Variants in TENM3 observed in about 807,000 individuals in gnomAD.
TENM3 encodes the protein teneurin transmembrane protein 3.
A neutral mutation model predicts 255.1 loss-of-function variants in TENM3; 63 were observed. The observed-to-expected ratio is 0.25, with a 90% CI of 0.20 to 0.30. The LOEUF (loss-of-function observed/expected upper bound fraction) is 0.30, where lower values mean the gene tolerates loss of function less well. TENM3 is among the 10% of genes least tolerant of loss of function. The pLI is 1.00. For missense variants in TENM3, 2,929 were observed against 3,461.1 expected, an observed-to-expected ratio of 0.85 and a Z score of 3.86; for synonymous variants, 1,306 against 1,322.3, an observed-to-expected ratio of 0.99 and a Z score of 0.27.
the TENM3 span, among the ~76,000 whole-genome samples, chr4:181,953,242 A>G: frequency 6.8e-6 from 1 of 146,618 alleles, no homozygotes; most frequent in East Asian, 2.0e-4. Context: ...TGCGATTTGG[A>G]TAATGATGAT....
intron 3 of TENM3, among the ~76,000 whole-genome samples, chr4:182,367,435 G>A (rs1239373920): frequency 6.6e-6 from 1 of 152,152 alleles, no homozygotes; most frequent in African/African-American, 2.4e-5. Flanking sequence ...ACTGAGACGC[G>A]ATGAACAATG....
the TENM3 span, among the ~76,000 whole-genome samples, chr4:181,532,635 G>A: frequency 2.0e-5 from 3 of 152,152 alleles, no homozygotes; most frequent in African/African-American, 7.2e-5. Flanking sequence ...CTTTCTGAGT[G>A]TGCCCCTATT....
chr4:182,436,358 G>T (rs535462349), intron 3 of TENM3, among the ~76,000 whole-genome samples: 2 of 152,110 alleles, frequency 1.3e-5, no homozygotes, highest in African/African-American at 2.4e-5. Flanking sequence ...GTCTGTCTTC[G>T]GGGTCATACT....
At chr4:182,299,147 T>C (rs1448969478) in intron 1 of TENM3, among the ~76,000 whole-genome samples, 3 of 151,852 alleles carry the variant, frequency 2.0e-5, no homozygotes, top group African/African-American at 7.3e-5. Flanking sequence ...AAACACCAGA[T>C]TATCTAATAA....
At chr4:181,473,050 G>A in the TENM3 span, among the ~76,000 whole-genome samples, 3 of 151,532 alleles carry the variant, frequency 2.0e-5, no homozygotes, top group African/African-American at 4.9e-5. Flanking sequence ...AAATGAAAGA[G>A]GAAAGTGTCA....
At chr4:182,345,963 C>G (rs1290919243) in intron 2 of TENM3, among the ~76,000 whole-genome samples, 1 of 151,940 alleles carries the variant, frequency 6.6e-6, no homozygotes, top group Non-Finnish European at 1.5e-5. Flanking sequence ...TGTAGTAAAG[C>G]AAAAAGCCTA....
intron 3 of TENM3, among the ~76,000 whole-genome samples, chr4:182,548,955 C>A (rs181237695): frequency 6.6e-6 from 1 of 151,944 alleles, no homozygotes; most frequent in Non-Finnish European, 1.5e-5. Context: ...ATATTTTCTA[C>A]AGAACCTGTC....
At chr4:181,593,173 T>G in the TENM3 span, among the ~76,000 whole-genome samples, 1 of 152,364 alleles carries the variant, frequency 6.6e-6, no homozygotes, top group Non-Finnish European at 1.5e-5. Flanking sequence ...ATCCTCTTCA[T>G]TAAAAGTTGC....
At chr4:181,945,982 A>C in the TENM3 span, among the ~76,000 whole-genome samples, 1 of 152,194 alleles carries the variant, frequency 6.6e-6, no homozygotes, top group East Asian at 1.9e-4. Flanking sequence ...ATATACAAAT[A>C]GGTCCCTATT....
chr4:182,160,612 T>C (rs1305571454), intron 1 of TENM3, among the ~76,000 whole-genome samples: 1 of 152,220 alleles, frequency 6.6e-6, no homozygotes, highest in Non-Finnish European at 1.5e-5. Flanking sequence ...CCGTAGGATC[T>C]CGCTCACATG....
rs3073440 is a variant in TENM3 at position 182,583,333 on chromosome 4, C to CTGTGTGTG, written c.512-17553_512-17546dup. 5.8e-3 allele frequency among the ~76,000 whole-genome samples: 828 copies of CTGTGTGTG among 143,492 alleles called. 7 individuals carry two copies. Among genetic ancestry groups the CTGTGTGTG allele is most frequent in the Middle Eastern group, 0.026 (7 of 270 alleles). The allele number at this position is 143,492 out of a possible 152,430, so 94.1% of individuals were successfully genotyped here. On this transcript the variant is annotated intron_variant, in intron 3 of 27. Transcript: ENST00000511685. ...GAGTTAGCAACTGAAGCTTAAACCT[C>CTGTGTGTG]TGTGTGTGTGTGTGTGTGTGTGTGT...
the TENM3 span, among the ~76,000 whole-genome samples, chr4:182,005,700 A>G: frequency 6.6e-6 from 1 of 152,198 alleles, no homozygotes; most frequent in African/African-American, 2.4e-5. Flanking sequence ...CCTATCCCTG[A>G]GGATGGAATG....
At chr4:181,821,707 C>G in the TENM3 span, 1 of 152,164 alleles carries the variant, frequency 6.6e-6, no homozygotes, top group Non-Finnish European at 1.5e-5. Flanking sequence ...TGAAATGCAT[C>G]TCTTGAGGGT....
the TENM3 span, among the ~76,000 whole-genome samples, chr4:181,726,628 T>C: frequency 6.6e-6 from 1 of 152,190 alleles, no homozygotes; most frequent in Non-Finnish European, 1.5e-5. Flanking sequence ...AATACTTCTG[T>C]GACCAAATCT....
chr4:181,521,935 A>T, the TENM3 span, among the ~76,000 whole-genome samples: 4 of 150,956 alleles, frequency 2.6e-5, no homozygotes, highest in South Asian at 4.2e-4. Flanking sequence ...TCTCTAATTT[A>T]AAAAAAAAAT....
chr4:182,229,598 G>A (rs984218685), intron 1 of TENM3, among the ~76,000 whole-genome samples: 18 of 150,288 alleles, frequency 1.2e-4, no homozygotes, highest in African/African-American at 3.3e-4. Flanking sequence ...CTGTGTGTGC[G>A]TGTGTATGTG....
chr4:182,800,570 CTCAG>C lies in TENM3; in HGVS notation c.*222_*225del. The C allele has an allele frequency of 2.0e-6, 1 of 502,942 alleles. No homozygotes were observed. The highest frequency in any genetic ancestry group is 3.4e-6 in the Non-Finnish European group (1 of 292,444). 31.2% of individuals were successfully genotyped at this position (502,942 alleles called of 1,614,324 possible). On this transcript the variant is annotated 3_prime_UTR_variant, in exon 28 of 28. Transcript: ENST00000511685. ...ATGTTTACATATGCATAGCGCTGCA[CTCAG>C]TCGGACTGAACGTAGCCAGAGGAAA...
chr4:182,301,088 CTG>C (rs1173761238), intron 1 of TENM3, among the ~76,000 whole-genome samples: 1 of 152,192 alleles, frequency 6.6e-6, no homozygotes, highest in Non-Finnish European at 1.5e-5. Context: ...TATTAAGCCT[CTG>C]TAGCAAAAGG....
At chr4:181,759,233 A>G in the TENM3 span, among the ~76,000 whole-genome samples, 1 of 152,138 alleles carries the variant, frequency 6.6e-6, no homozygotes, top group Non-Finnish European at 1.5e-5. Flanking sequence ...ATATAATATT[A>G]AATAGTTTAT....
Sources: allele counts gnomAD v4.1 joint callset (sites outside exome capture counted in the v4.1 genomes callset), GRCh38; gene constraint gnomAD v4.1.1; transcripts MANE v1.5; gene names NCBI Gene and HGNC (gene_info 2026-07-23, HGNC 2026-07-21).